ADAMTSL1: variants seen among roughly 807,000 people sequenced by gnomAD.
The protein encoded by ADAMTSL1 is ADAMTS like 1, also known as ADAMTS-like protein 1.
A neutral mutation model predicts 201.8 loss-of-function variants in ADAMTSL1; 126 were observed. That is an observed-to-expected ratio of 0.62 (90% CI 0.54 to 0.72). The LOEUF (loss-of-function observed/expected upper bound fraction) is 0.72, where lower values mean the gene tolerates loss of function less well. Among genes scored for constraint, ADAMTSL1 ranks in the 30% least tolerant of loss-of-function variants. ADAMTSL1 has a pLI of 0.00. For missense variants in ADAMTSL1, 2,679 were observed against 2,277.8 expected (o/e 1.18, Z -3.59); for synonymous variants, 1,121 against 903.4 (o/e 1.24, Z -4.32).
At position 18,906,910 on chromosome 9, in the gene ADAMTSL1, A is replaced by G. The variant is rs1279674231; in HGVS notation, c.5180A>G (p.Asn1727Ser). ...CGCTGCAACATCACCCCATGTGAAAACAGTATGTTCCAACCCCAAAGAACC... is the reference window on the plus strand; with the variant it reads ...CGCTGCAACATCACCCCATGTGAAAGCAGTATGTTCCAACCCCAAAGAACC... ...WQRCNITPCE[N>S]MECRDTTRYC... The change falls in exon 28 of 29, where the codon AAC (asparagine) becomes AGC (serine). Residue 1727 changes from asparagine to serine, a missense_variant and splice_region_variant. Transcript: ENST00000380548. 1 of 1,613,884 alleles carries G rather than the reference A, an allele frequency of 6.2e-7. No individual in the cohort carries two copies. The highest frequency in any genetic ancestry group is 2.2e-5 in the East Asian group (1 of 44,876).
At chr9:18,709,818 A>G (rs1164896829) in intron 14 of ADAMTSL1, among the ~76,000 whole-genome samples, 1 of 152,190 alleles carries the variant, frequency 6.6e-6, no homozygotes, top group Non-Finnish European at 1.5e-5. Flanking sequence ...CCACGTTAAA[A>G]TCTAGCTGGG....
At chr9:18,248,046 T>C (rs979880322) in intron 2 of ADAMTSL1, among the ~76,000 whole-genome samples, 1 of 152,166 alleles carries the variant, frequency 6.6e-6, no homozygotes, top group East Asian at 1.9e-4. Flanking sequence ...AGGTTTCTCA[T>C]TTGTGTACTG....
At chr9:18,127,514 AC>A (rs1378929775) in intron 1 of ADAMTSL1, among the ~76,000 whole-genome samples, 10 of 148,498 alleles carry the variant, frequency 6.7e-5, no homozygotes, top group African/African-American at 1.2e-4. Context: ...ACACACACAC[AC>A]ACACACAACA....
intron 20 of ADAMTSL1, among the ~76,000 whole-genome samples, chr9:18,814,779 G>A (rs1823727859): frequency 6.6e-6 from 1 of 152,080 alleles, no homozygotes; most frequent in Non-Finnish European, 1.5e-5. Flanking sequence ...TCGAGTACTA[G>A]GTTTAATACC....
At chr9:18,373,782 C>G (rs1375737371) in intron 2 of ADAMTSL1, among the ~76,000 whole-genome samples, 1 of 152,124 alleles carries the variant, frequency 6.6e-6, no homozygotes, top group Non-Finnish European at 1.5e-5. Context: ...CAAAATCTCC[C>G]TACTTTGGTC....
intron 1 of ADAMTSL1, among the ~76,000 whole-genome samples, chr9:17,930,420 G>A (rs976505020): frequency 6.6e-6 from 1 of 152,008 alleles, no homozygotes; most frequent in African/African-American, 2.4e-5. Context: ...TTCTTAACTA[G>A]GCTCAAATCT....
intron 3 of ADAMTSL1, among the ~76,000 whole-genome samples, chr9:18,536,595 G>T (rs1217883789): frequency 6.6e-6 from 1 of 152,240 alleles, no homozygotes; most frequent in African/African-American, 2.4e-5. Context: ...TTTCTGTGTA[G>T]CTGGTTCAAG....
chr9:18,354,737 G>T (rs1229585000), intron 2 of ADAMTSL1, among the ~76,000 whole-genome samples: 1 of 152,176 alleles, frequency 6.6e-6, no homozygotes, highest in Non-Finnish European at 1.5e-5. Context: ...GAAGGCTGAA[G>T]TTGGTGGATC....
intron 2 of ADAMTSL1, among the ~76,000 whole-genome samples, chr9:18,287,043 A>T (rs1462694670): frequency 6.6e-6 from 1 of 152,192 alleles, no homozygotes; most frequent in Non-Finnish European, 1.5e-5. Context: ...TACACTAACA[A>T]ATATGAGTTT....
chr9:18,016,431 G>A (rs1820264866), intron 1 of ADAMTSL1, among the ~76,000 whole-genome samples: 1 of 151,894 alleles, frequency 6.6e-6, no homozygotes, highest in Admixed American at 6.6e-5. Flanking sequence ...TTCATGGTGT[G>A]GTATGGATTC....
At chr9:18,507,120 A>T (rs978700727) in intron 2 of ADAMTSL1, among the ~76,000 whole-genome samples, 3 of 152,224 alleles carry the variant, frequency 2.0e-5, no homozygotes, top group Non-Finnish European at 4.4e-5. Flanking sequence ...ATATATTTTG[A>T]CATCATTCTT....
chr9:18,182,970 C>G (rs1424018664), intron 2 of ADAMTSL1, among the ~76,000 whole-genome samples: 2 of 152,274 alleles, frequency 1.3e-5, no homozygotes, highest in African/African-American at 4.8e-5. Flanking sequence ...GATCATATAG[C>G]TAGTAATAAG....
intron 1 of ADAMTSL1, among the ~76,000 whole-genome samples, chr9:18,019,406 T>C (rs1053893072): frequency 2.6e-4 from 40 of 152,160 alleles, no homozygotes; most frequent in Admixed American, 2.5e-3. Flanking sequence ...CAGAAAAACA[T>C]AGTCTAAAGA....
chr9:18,751,679 T>G (rs1416048585), intron 15 of ADAMTSL1, among the ~76,000 whole-genome samples: 6 of 152,210 alleles, frequency 3.9e-5, no homozygotes, highest in Admixed American at 2.6e-4. Context: ...GCAGTGCCCT[T>G]GACAGGTAGA....
chr9:18,179,560 C>A (rs201546198), intron 2 of ADAMTSL1, among the ~76,000 whole-genome samples: 102 of 152,110 alleles, frequency 6.7e-4, no homozygotes, highest in African/African-American at 2.1e-3. Context: ...GAGCAACTCC[C>A]AGACACATAA....
At chr9:17,973,088 CA>C (rs1818282622) in intron 1 of ADAMTSL1, among the ~76,000 whole-genome samples, 1 of 43,250 alleles carries the variant, frequency 2.3e-5, no homozygotes, top group African/African-American at 6.8e-5. Context: ...GAGTAGGTTG[CA>C]AAAATTTTCT....
chr9:17,938,644 G>T (rs1827108439), intron 1 of ADAMTSL1, among the ~76,000 whole-genome samples: 1 of 152,116 alleles, frequency 6.6e-6, no homozygotes, highest in African/African-American at 2.4e-5. Context: ...TATCAGGAAA[G>T]CCCCCGACCA....
At chr9:18,630,936 A>C (rs1045438003) in intron 5 of ADAMTSL1, among the ~76,000 whole-genome samples, 1 of 152,040 alleles carries the variant, frequency 6.6e-6, no homozygotes, top group East Asian at 1.9e-4. Flanking sequence ...ATGTGTTCCA[A>C]TATTGTCTTA....
At chr9:18,731,803 T>G (rs1818232218) in intron 15 of ADAMTSL1, among the ~76,000 whole-genome samples, 1 of 151,674 alleles carries the variant, frequency 6.6e-6, no homozygotes, top group Admixed American at 6.6e-5. Context: ...AGTGAGGAGG[T>G]GCTACATACT....
Sources: gnomAD v4.1 joint callset for allele counts (sites outside exome capture counted in the v4.1 genomes callset) on GRCh38, gnomAD v4.1.1 for gene constraint, MANE v1.5 for transcripts, NCBI Gene and HGNC (gene_info 2026-07-23, HGNC 2026-07-21) for gene names.